SUGT1: variants seen among roughly 807,000 people sequenced by gnomAD.
SUGT1 encodes the protein SGT1 assembly cochaperone of MIS12 kinetochore complex, also known as protein SGT1 homolog.
A neutral mutation model predicts 56.1 loss-of-function variants in SUGT1; 15 were observed. That is an observed-to-expected ratio of 0.27 (90% CI 0.18 to 0.41). SUGT1 has a LOEUF of 0.41. Ranked by LOEUF, SUGT1 falls within the 10% of genes least tolerant of loss-of-function variation. SUGT1 has a pLI of 1.00. For synonymous variants in SUGT1, 123 were observed against 128.6 expected, an observed-to-expected ratio of 0.96 and a Z score of 0.30; for missense variants, 347 against 382.2, an observed-to-expected ratio of 0.91 and a Z score of 0.77.
intron 12 of SUGT1, among the ~76,000 whole-genome samples, chr13:52,684,319 C>T (rs1012609324): frequency 6.6e-6 from 1 of 152,066 alleles, no homozygotes; most frequent in Non-Finnish European, 1.5e-5. Context: ...TAAAGGACAC[C>T]TTATCTAGCA....
Position 52,695,581 on chromosome 13 carries a change from C to T in SUGT1, c.*7746C>T, listed in dbSNP as rs1463670190. ...CTTGATTTATTTTTTCCCCTCAGTC[C>T]TGTTTAGTGTTGAAATTCTTCAAAG... On this transcript the variant is annotated 3_prime_UTR_variant, in exon 13 of 13. Coordinates refer to ENST00000310528, the MANE Select transcript of SUGT1 (RefSeq NM_006704.5). 1 of 152,138 alleles carries T rather than the reference C, an allele frequency of 6.6e-6. No individual in the cohort carries two copies. The highest frequency in any genetic ancestry group is 1.9e-4 in the East Asian group (1 of 5,190). The allele number at this position is 152,138 out of a possible 1,614,324, so 9.4% of individuals were successfully genotyped here.
chr13:52,666,760 A>G (rs1962722106), intron 9 of SUGT1, 52 bp from the exon 10 acceptor site: 1 of 1,168,142 alleles, frequency 8.6e-7, no homozygotes. Context: ...TAGGTTTTTT[A>G]CCCTCCATTA....
intron 2 of SUGT1, among the ~76,000 whole-genome samples, chr13:52,654,017 A>G (rs1962045116): frequency 1.3e-5 from 2 of 152,234 alleles, no homozygotes. Context: ...TGGGGAAAGA[A>G]TATTCCAGGC....
intron 10 of SUGT1, among the ~76,000 whole-genome samples, chr13:52,667,466 T>C (rs1232823533): frequency 1.3e-5 from 2 of 152,138 alleles, no homozygotes; most frequent in Admixed American, 1.3e-4. Context: ...TGCTTCAGCC[T>C]CCCAAGTAGC....
chr13:52,675,523 G>A (rs1344930458), intron 10 of SUGT1, among the ~76,000 whole-genome samples: 1 of 152,156 alleles, frequency 6.6e-6, no homozygotes, highest in African/African-American at 2.4e-5. Context: ...TCTAGAGTGA[G>A]CTATGATCCT....
chr13:52,680,372 A>AT (rs1319908426), intron 12 of SUGT1, among the ~76,000 whole-genome samples: 3 of 152,152 alleles, frequency 2.0e-5, no homozygotes, highest in Non-Finnish European at 2.9e-5. Flanking sequence ...TTAAATAGGT[A>AT]TTTTTTATCA....
intron 12 of SUGT1, among the ~76,000 whole-genome samples, chr13:52,685,534 A>G (rs1963550053): frequency 6.6e-6 from 1 of 152,204 alleles, no homozygotes; most frequent in South Asian, 2.1e-4. Flanking sequence ...AAAGTGTGGT[A>G]GACAAAATTA....
intron 2 of SUGT1, among the ~76,000 whole-genome samples, chr13:52,653,870 G>A (rs1054720555): frequency 2.0e-5 from 3 of 152,176 alleles, no homozygotes; most frequent in East Asian, 1.9e-4. Context: ...TTGCTGTTAC[G>A]TTTAACAATT....
chr13:52,682,488 A>C (rs1393960015), intron 12 of SUGT1, among the ~76,000 whole-genome samples: 1 of 152,246 alleles, frequency 6.6e-6, no homozygotes, highest in Non-Finnish European at 1.5e-5. Flanking sequence ...GGCGTGAGCC[A>C]CAGCACCTGG....
intron 3 of SUGT1, chr13:52,657,959 C>T (rs933747222): frequency 1.4e-5 from 7 of 501,514 alleles, no homozygotes; most frequent in East Asian, 1.7e-4. Context: ...TGGTGGCTCA[C>T]GCCTGTAATC....
rs531079776 is a variant in SUGT1, at chr13:52,695,360, T to G, written c.*7525T>G. On this transcript the variant is annotated 3_prime_UTR_variant, in exon 13 of 13. Coordinates refer to ENST00000310528, the MANE Select transcript of SUGT1 (RefSeq NM_006704.5). The stretch of plus-strand genomic sequence containing the variant: ...TGTTGTTTTGTAATGGAAGGAGTAG[T>G]AACTTATGAATCTAGACTCTTAAAA... 53 of 151,156 alleles carry G rather than the reference T, an allele frequency of 3.5e-4. No individual in the cohort carries two copies. Among genetic ancestry groups the G allele is most frequent in the Admixed American group, 2.0e-4 (3 of 15,140 alleles). 9.4% of individuals were successfully genotyped at this position (151,156 alleles called of 1,614,324 possible). A position where few individuals can be genotyped will look rare whatever the true frequency, so the allele number is the denominator to read the frequency against.
At chr13:52,683,862 A>G (rs1963468075) in intron 12 of SUGT1, among the ~76,000 whole-genome samples, 1 of 151,992 alleles carries the variant, frequency 6.6e-6, no homozygotes. Context: ...CAGTGTTTGT[A>G]TAGTCCCTTA....
At chr13:52,685,791 C>G (rs1211470528) in intron 12 of SUGT1, among the ~76,000 whole-genome samples, 1 of 152,064 alleles carries the variant, frequency 6.6e-6, no homozygotes, top group Non-Finnish European at 1.5e-5. Flanking sequence ...CCAAGATATA[C>G]AAAATAATCA....
intron 10 of SUGT1, among the ~76,000 whole-genome samples, chr13:52,674,053 CTTTTTT>C (rs765220996): frequency 4.3e-4 from 46 of 107,950 alleles, no homozygotes; most frequent in Non-Finnish European, 5.6e-4. Context: ...AGATAGTATA[CTTTTTT>C]TTTTTTTTTT....
In SUGT1 at chr13:52,658,474, C is replaced by T. The variant is rs1414156642; in HGVS notation, c.257+6C>T. On this transcript the variant is annotated splice_donor_region_variant and intron_variant, in intron 4 of 12. Coordinates refer to ENST00000310528, the MANE Select transcript of SUGT1 (RefSeq NM_006704.5). ...ACTGCTATGCTGAGAAAAGGGTATG[C>T]AGTAGCTACTCTTCTTGTTGAGCTT... The T allele has an allele frequency of 1.1e-5, 17 of 1,607,738 alleles. No individual in the cohort carries two copies. The highest frequency in any genetic ancestry group is 1.4e-5 in the Non-Finnish European group (17 of 1,178,486).
chr13:52,672,013 A>G (rs1299478228), intron 10 of SUGT1, among the ~76,000 whole-genome samples: 2 of 152,224 alleles, frequency 1.3e-5, no homozygotes, highest in African/African-American at 4.8e-5. Context: ...GTAAGATGAT[A>G]TATGTGAAGC....
chr13:52,664,206 A>C, intron 8 of SUGT1, 149 bp downstream of exon 8: 1 of 723,402 alleles, frequency 1.4e-6, no homozygotes, highest in Non-Finnish European at 2.3e-6. Flanking sequence ...ATGTAAAGCC[A>C]ATTTTAAGGC....
chr13:52,689,660 G>A lies in SUGT1; in HGVS notation c.*1825G>A, dbSNP rs1963717832. Reference sequence around the variant, plus strand: ...GCCGCTTAACTTTTTCTTTCTTAAAGATGACACTATTAAAATAGCTGTTTC... The same window carrying A: ...GCCGCTTAACTTTTTCTTTCTTAAAAATGACACTATTAAAATAGCTGTTTC... On this transcript the variant is annotated 3_prime_UTR_variant, in exon 13 of 13. Transcript: ENST00000310528. 1 of 152,104 alleles carries A rather than the reference G, an allele frequency of 6.6e-6. No individual in the cohort carries two copies. Among genetic ancestry groups the A allele is most frequent in the South Asian group, 2.1e-4 (1 of 4,822 alleles). The allele number at this position is 152,104 out of a possible 1,614,324, so 9.4% of individuals were successfully genotyped here. A position where few individuals can be genotyped will look rare whatever the true frequency, so the allele number is the denominator to read the frequency against.
intron 12 of SUGT1, among the ~76,000 whole-genome samples, chr13:52,683,564 G>A (rs1271239671): frequency 6.6e-6 from 1 of 151,988 alleles, no homozygotes; most frequent in African/African-American, 2.4e-5. Flanking sequence ...TTCTTTTTGT[G>A]CTATCTTTGG....
Sources: allele counts gnomAD v4.1 joint callset (sites outside exome capture counted in the v4.1 genomes callset), GRCh38; gene constraint gnomAD v4.1.1; transcripts MANE v1.5; gene names NCBI Gene and HGNC (gene_info 2026-07-23, HGNC 2026-07-21).